Variants in LRIG3 observed in about 807,000 individuals in gnomAD.
The protein encoded by LRIG3 is leucine-rich repeats and immunoglobulin-like domains protein 3.
In LRIG3, 76 loss-of-function variants were observed where a neutral mutation model predicts 114.5. That is an observed-to-expected ratio of 0.66 (90% CI 0.55 to 0.80). The LOEUF (loss-of-function observed/expected upper bound fraction) is 0.80. Among genes scored for constraint, LRIG3 ranks in the 30% least tolerant of loss-of-function variants. LRIG3 has a pLI of 0.00. For missense variants in LRIG3, 1,239 were observed against 1,382.8 expected (o/e 0.90, Z 1.65); for synonymous variants, 512 against 519.8 (o/e 0.98, Z 0.20).
intron 3 of LRIG3, among the ~76,000 whole-genome samples, chr12:58,892,618 G>A (rs1871493670): frequency 6.6e-6 from 1 of 152,150 alleles, no homozygotes; most frequent in Admixed American, 6.5e-5. Context: ...ATTCTTAGAA[G>A]CAGAATTCTC....
chr12:58,914,249 A>C lies in LRIG3; in HGVS notation c.308+16T>G. On this transcript the variant is annotated intron_variant, in intron 2 of 18. Transcript: ENST00000320743. ...TATTTTACTCAAACCTTAAAAACAA[A>C]ATAACGAAGACTCACACTTCTCGAA... is the stretch of plus-strand genomic sequence containing the variant. The C allele has an allele frequency of 6.2e-7, 1 of 1,612,432 alleles. No individual in the cohort carries two copies. Among genetic ancestry groups the C allele is most frequent in the African/African-American group, 1.3e-5 (1 of 74,972 alleles).
chr12:58,889,660 G>A (rs951179146), intron 5 of LRIG3, among the ~76,000 whole-genome samples: 2 of 152,042 alleles, frequency 1.3e-5, no homozygotes, highest in African/African-American at 2.4e-5. Context: ...GAGCCTCCTG[G>A]AGTTGCCGGT....
intron 10 of LRIG3, 70 bp downstream of exon 10, chr12:58,885,761 C>G: frequency 1.8e-6 from 2 of 1,104,250 alleles, no homozygotes; most frequent in Non-Finnish European, 1.3e-6. Context: ...TTTGTTTTAT[C>G]TTTCATGACA....
rs779810962 is a variant in LRIG3, at chr12:58,890,766, A to G, written c.414T>C (p.Pro138=). Residue 138 remains proline, a synonymous_variant, in exon 4 of 19, where the codon CCT becomes CCC. Coordinates refer to ENST00000320743, the MANE Select transcript of LRIG3 (RefSeq NM_153377.5). ...LAGNRIVEIL[P]EHLKEFQSLE... ...GGGACTGAAACTCTTTCAGATGTTC[A>G]GGGAGTATTTCAACAATCCTGTTTC... 10 of 1,607,780 alleles carry G rather than the reference A, an allele frequency of 6.2e-6. No individual in the cohort carries two copies. Among genetic ancestry groups the G allele is most frequent in the Non-Finnish European group, 8.5e-6 (10 of 1,177,600 alleles).
In LRIG3 at chr12:58,888,405, C is replaced by T. The variant is rs1453847518; in HGVS notation, c.871G>A (p.Glu291Lys). 6.2e-7 allele frequency: 1 copy of T among 1,613,846 alleles called. No homozygotes were observed. The highest frequency in any genetic ancestry group is 1.3e-5 in the African/African-American group (1 of 75,026). Residue 291 changes from glutamate to lysine, a missense_variant, in exon 7 of 19, where the codon GAA becomes AAA. Transcript: ENST00000320743. ...ATGGCATTTTGGCTGAGATGAAGTTCCTGCAGCATCAGCAAGCCGTAAAGC... is the reference window on the plus strand; with the variant it reads ...ATGGCATTTTGGCTGAGATGAAGTTTCTGCAGCATCAGCAAGCCGTAAAGC... ...GWLYGLLMLQ[E>K]LHLSQNAINR... is the part of the protein sequence containing the mutation.
At chr12:58,896,837 T>C (rs1014098149) in intron 3 of LRIG3, among the ~76,000 whole-genome samples, 8 of 152,202 alleles carry the variant, frequency 5.3e-5, no homozygotes, top group African/African-American at 1.9e-4. Flanking sequence ...CAGTCAAGCC[T>C]GGCCCCAAGG....
At position 58,920,127 on chromosome 12, in the gene LRIG3, G is replaced by A; in HGVS notation, c.109C>T (p.Gln37Ter). The change falls in exon 1 of 19, where the codon CAG (glutamine) becomes TAG (stop). Residue 37 changes from glutamine (Q) to a stop codon, truncating the protein, a stop_gained. Coordinates refer to ENST00000320743, the MANE Select transcript of LRIG3 (RefSeq NM_153377.5). LOFTEE classifies it high-confidence loss of function. Reference sequence around the variant, plus strand: ...CGCTCGGCGGCTACCCCAGAGGGCTGCCCGAGTTCCCCGCGACCGCCGCTG... The same window carrying A: ...CGCTCGGCGGCTACCCCAGAGGGCTACCCGAGTTCCCCGCGACCGCCGCTG... ...SDSGGRGELG[Q>*]PSGVAAERPC... 6.5e-7 allele frequency: 1 copy of A among 1,546,512 alleles called. No individual in the cohort carries two copies. The highest frequency in any genetic ancestry group is 1.2e-5 in the South Asian group (1 of 84,086).
chr12:58,889,360 T>C (rs1283368201), intron 5 of LRIG3, among the ~76,000 whole-genome samples: 3 of 152,232 alleles, frequency 2.0e-5, no homozygotes, highest in Non-Finnish European at 4.4e-5. Context: ...AGTTGGTTAC[T>C]ATCTTTCACC....
intron 18 of LRIG3, chr12:58,873,518 T>C (rs1251992216): frequency 6.4e-6 from 1 of 157,068 alleles, no homozygotes; most frequent in Non-Finnish European, 1.4e-5. Flanking sequence ...ACGAAAAAAT[T>C]CACTACCTAA....
At chr12:58,899,707 A>G (rs1187661541) in intron 3 of LRIG3, among the ~76,000 whole-genome samples, 2 of 152,160 alleles carry the variant, frequency 1.3e-5, no homozygotes, top group African/African-American at 2.4e-5. Context: ...AACGTCTTCA[A>G]AAGTCTGATG....
intron 9 of LRIG3, 35 bp downstream of exon 9, chr12:58,886,775 A>G: frequency 6.3e-7 from 1 of 1,590,076 alleles, no homozygotes; most frequent in South Asian, 1.1e-5. Flanking sequence ...TTTAAATCAA[A>G]GAGTGAGCTA....
chr12:58,920,457 A>C lies in LRIG3; in HGVS notation c.-222T>G. On this transcript the variant is annotated 5_prime_UTR_variant, in exon 1 of 19. Transcript: ENST00000320743. ...CGAAAAGAACTGCCAACTGCAACAG[A>C]GTTGCAGCTTGAGCAGCGTCGGCTC... The C allele has an allele frequency of 2.5e-6, 1 of 393,652 alleles. No individual in the cohort carries two copies. Among genetic ancestry groups the C allele is most frequent in the Non-Finnish European group, 4.5e-6 (1 of 224,238 alleles). The allele number at this position is 393,652 out of a possible 1,614,324, so 24.4% of individuals were successfully genotyped here. A position where few individuals can be genotyped will look rare whatever the true frequency, so the allele number is the denominator to read the frequency against.
At chr12:58,901,066 C>CA (rs1228446379) in intron 3 of LRIG3, among the ~76,000 whole-genome samples, 3 of 152,156 alleles carry the variant, frequency 2.0e-5, no homozygotes, top group African/African-American at 7.2e-5. Context: ...AATCGTGATC[C>CA]AAAACCTCTC....
chr12:58,902,555 C>T (rs977030078), intron 3 of LRIG3, among the ~76,000 whole-genome samples: 4 of 151,796 alleles, frequency 2.6e-5, no homozygotes, highest in African/African-American at 9.7e-5. Context: ...TTTATAATTG[C>T]CTTTTCTCTT....
At chr12:58,906,062 T>A (rs75848373) in intron 3 of LRIG3, among the ~76,000 whole-genome samples, 1 of 151,986 alleles carries the variant, frequency 6.6e-6, no homozygotes, top group African/African-American at 2.4e-5. Context: ...TAGATAAATT[T>A]GGCAGTAAAG....
chr12:58,880,958 CT>C, intron 12 of LRIG3, 57 bp from the exon 13 acceptor site: 1 of 1,513,604 alleles, frequency 6.6e-7, no homozygotes, highest in South Asian at 1.2e-5. Flanking sequence ...AGTCCAAATA[CT>C]ACTCAAATTT....
chr12:58,903,783 T>C (rs1871957290), intron 3 of LRIG3, among the ~76,000 whole-genome samples: 3 of 152,012 alleles, frequency 2.0e-5, no homozygotes, highest in African/African-American at 4.8e-5. Flanking sequence ...TTTCTACATA[T>C]GGCTAGCCAG....
intron 3 of LRIG3, among the ~76,000 whole-genome samples, chr12:58,910,238 C>T (rs1439719701): frequency 6.6e-6 from 1 of 152,122 alleles, no homozygotes; most frequent in Non-Finnish European, 1.5e-5. Flanking sequence ...AAGAATATTG[C>T]ATATGTTAAA....
At chr12:58,887,444 T>C (rs1871312199) in intron 8 of LRIG3, among the ~76,000 whole-genome samples, 1 of 152,188 alleles carries the variant, frequency 6.6e-6, no homozygotes, top group South Asian at 2.1e-4. Context: ...TCCTTGCCCT[T>C]TGTAGACCTT....
Sources: allele counts gnomAD v4.1 joint callset (sites outside exome capture counted in the v4.1 genomes callset), GRCh38; gene constraint gnomAD v4.1.1; transcripts MANE v1.5; gene names NCBI Gene and HGNC (gene_info 2026-07-23, HGNC 2026-07-21).